KANK1: variants seen among roughly 807,000 people sequenced by gnomAD.
KANK1 encodes the protein KN motif and ankyrin repeat domains 1, also known as KN motif and ankyrin repeat domain-containing protein 1.
KANK1 carries 109 observed loss-of-function variants against 106.2 expected under a neutral mutation model. The ratio of observed to expected loss-of-function variants is 1.03; its 90% CI spans 0.88 to 1.20. KANK1 has a LOEUF of 1.20. KANK1 is among the 50% of genes most tolerant of loss of function. The probability of loss-of-function intolerance (pLI) is 0.00; values close to 1 mark genes in which losing one functional copy is unlikely to be tolerated. For missense variants in KANK1, 2,399 were observed against 1,710.7 expected, an observed-to-expected ratio of 1.40 and a Z score of -7.10; for synonymous variants, 873 against 652.2, an observed-to-expected ratio of 1.34 and a Z score of -5.16.
chr9:641,278 T>A (rs1223020928), intron 1 of KANK1, among the ~76,000 whole-genome samples: 1 of 152,240 alleles, frequency 6.6e-6, no homozygotes, highest in Non-Finnish European at 1.5e-5. Flanking sequence ...TGAATGTGTA[T>A]AATCTGTCTT....
chr9:659,911 T>A (rs1054478965), intron 1 of KANK1: 2 of 163,614 alleles, frequency 1.2e-5, no homozygotes, highest in African/African-American at 4.8e-5. Context: ...GAGCCGCCAC[T>A]GCCAAGGACT....
At chr9:663,148 T>G (rs1843747211) in intron 1 of KANK1, among the ~76,000 whole-genome samples, 1 of 152,072 alleles carries the variant, frequency 6.6e-6, no homozygotes, top group African/African-American at 2.4e-5. Flanking sequence ...AAAGGAAAAA[T>G]TTTTGCTAAG....
At chr9:477,726 C>T (rs571390340) in intron 3 of KANK1, 37 of 152,396 alleles carry the variant, frequency 2.4e-4, no homozygotes, top group African/African-American at 8.4e-4. Context: ...AAGGGACCCC[C>T]ACCAAGTGGC....
intron 1 of KANK1, among the ~76,000 whole-genome samples, chr9:587,631 T>C (rs1328744663): frequency 6.6e-6 from 1 of 152,246 alleles, no homozygotes; most frequent in East Asian, 1.9e-4. Context: ...GTGTTAGCTT[T>C]CTCTATTTTT....
rs114065566 is a variant in KANK1, at chr9:654,582, C to T, written c.-83-22308C>T. ...CAATGTAATATATTTACCACTCAAT[C>T]GTTTCTCATCCATTGTCTGCTTTGA... On this transcript the variant is annotated intron_variant, in intron 1 of 11. Coordinates refer to ENST00000382297, the MANE Select transcript of KANK1 (RefSeq NM_015158.5). Among the ~76,000 whole-genome samples the T allele has an allele frequency of 6.3e-3, 706 of 111,928 alleles. 10 individuals carry two copies. The highest frequency in any genetic ancestry group is 0.04 in the African/African-American group (675 of 16,808). 73.4% of individuals were successfully genotyped at this position (111,928 alleles called of 152,430 possible). A position where few individuals can be genotyped will look rare whatever the true frequency, so the allele number is the denominator to read the frequency against.
At chr9:709,568 T>C (rs1361328621) in intron 2 of KANK1, among the ~76,000 whole-genome samples, 4 of 152,106 alleles carry the variant, frequency 2.6e-5, no homozygotes, top group Non-Finnish European at 5.9e-5. Context: ...CAAGAGACTG[T>C]AGATGACCAA....
intron 1 of KANK1, among the ~76,000 whole-genome samples, chr9:525,451 C>G (rs142305609): frequency 0.042 from 6,344 of 151,232 alleles, 179 homozygotes; most frequent in Non-Finnish European, 0.053. Context: ...ATGATCTTGG[C>G]TCACTGCAAC....
At chr9:735,020 C>T (rs1361995603) in intron 7 of KANK1, among the ~76,000 whole-genome samples, 185 bp downstream of exon 7, 2 of 152,154 alleles carry the variant, frequency 1.3e-5, no homozygotes, top group Non-Finnish European at 2.9e-5. Flanking sequence ...CCAGCGTTTC[C>T]TTGAGGCCCA....
intron 2 of KANK1, among the ~76,000 whole-genome samples, chr9:708,608 A>G: frequency 6.6e-6 from 1 of 152,114 alleles, no homozygotes; most frequent in East Asian, 1.9e-4. Flanking sequence ...AACATTTGGG[A>G]AGAAAGCGGG....
chr9:517,370 AG>A lies in KANK1; in HGVS notation c.-84+12618del, dbSNP rs1412286494. On this transcript the variant is annotated intron_variant, in intron 1 of 11. Transcript: ENST00000382297. ...GCCTGCCTCGGCCTTCCAAAGTGCT[AG>A]GATCACAGGCGTGAGCCACTGCGGC... 2.6e-5 allele frequency among the ~76,000 whole-genome samples: 4 copies of A among 151,708 alleles called. No individual in the cohort carries two copies. The East Asian group carries it at 7.7e-4, about 29-fold the overall frequency.
chr9:639,045 T>C (rs1231395393), intron 1 of KANK1, among the ~76,000 whole-genome samples: 1 of 152,180 alleles, frequency 6.6e-6, no homozygotes, highest in African/African-American at 2.4e-5. Context: ...CACACCTCAG[T>C]GTAAGTCTTA....
chr9:742,173 A>G, intron 9 of KANK1, 32 bp from the exon 10 acceptor site: 1 of 1,600,392 alleles, frequency 6.2e-7, no homozygotes, highest in Non-Finnish European at 8.6e-7. Flanking sequence ...CTCAGTACGT[A>G]CTTCTGAAGT....
intron 1 of KANK1, among the ~76,000 whole-genome samples, chr9:637,020 A>T (rs1428391009): frequency 6.6e-6 from 1 of 152,136 alleles, no homozygotes. Flanking sequence ...GGAATATTTT[A>T]TCTAGTACTT....
intron 1 of KANK1, among the ~76,000 whole-genome samples, chr9:640,543 G>A (rs189245943): frequency 1.6e-4 from 25 of 151,894 alleles, no homozygotes; most frequent in East Asian, 3.9e-4. Context: ...GATTACAGGC[G>A]CCTACCATCA....
At chr9:707,347 C>T (rs1241721226) in intron 2 of KANK1, 3 of 521,192 alleles carry the variant, frequency 5.8e-6, no homozygotes, top group Non-Finnish European at 7.4e-6. Flanking sequence ...TGCTGGGCCG[C>T]TTCACTCCAC....
At chr9:636,474 A>G (rs571940800) in intron 1 of KANK1, among the ~76,000 whole-genome samples, 21 of 152,246 alleles carry the variant, frequency 1.4e-4, no homozygotes, top group Admixed American at 7.8e-4. Flanking sequence ...ATTCAGGACA[A>G]TATTAAAGAG....
At chr9:612,067 A>G (rs889658378) in intron 1 of KANK1, among the ~76,000 whole-genome samples, 6 of 152,162 alleles carry the variant, frequency 3.9e-5, no homozygotes, top group Admixed American at 2.0e-4. Flanking sequence ...AAGTACATTT[A>G]AAAATAGGAT....
At chr9:733,445 A>AT (rs939323169) in intron 6 of KANK1, 3 of 152,116 alleles carry the variant, frequency 2.0e-5, no homozygotes, top group African/African-American at 7.2e-5. Flanking sequence ...ACCATATGTC[A>AT]TTTTTTTACT....
intron 3 of KANK1, among the ~76,000 whole-genome samples, chr9:496,943 TATAATA>T (rs941301267): frequency 2.4e-4 from 37 of 152,328 alleles, no homozygotes; most frequent in African/African-American, 7.2e-4. Flanking sequence ...GTAACAATGA[TATAATA>T]ATTATAATTA....
Sources: gnomAD v4.1 joint callset for allele counts (sites outside exome capture counted in the v4.1 genomes callset) on GRCh38, gnomAD v4.1.1 for gene constraint, MANE v1.5 for transcripts, NCBI Gene and HGNC (gene_info 2026-07-23, HGNC 2026-07-21) for gene names.